The following IL10RB variants were observed in gnomAD, a reference collection of about 807,000 sequenced individuals.
The protein encoded by IL10RB is interleukin 10 receptor subunit beta.
In IL10RB, 30 loss-of-function variants were observed where a neutral mutation model predicts 38.7. The ratio of observed to expected loss-of-function variants is 0.78; its 90% CI spans 0.58 to 1.05. The LOEUF (loss-of-function observed/expected upper bound fraction) is 1.05, where lower values mean the gene tolerates loss of function less well. IL10RB is among the 50% of genes least tolerant of loss of function. IL10RB has a pLI of 0.00. For synonymous variants in IL10RB, 142 were observed against 145.9 expected (o/e 0.97, Z 0.19); for missense variants, 328 against 397.1 (o/e 0.83, Z 1.48).
At chr21:33,302,659 G>T (rs942627493) in intron 1 of IL10RB, among the ~76,000 whole-genome samples, 11 of 152,212 alleles carry the variant, frequency 7.2e-5, no homozygotes, top group African/African-American at 2.7e-4. Flanking sequence ...GTGTGGAGAA[G>T]CTGGGACAGC....
At chr21:33,305,928 T>G (rs1198289634) in intron 1 of IL10RB, among the ~76,000 whole-genome samples, 2 of 152,054 alleles carry the variant, frequency 1.3e-5, no homozygotes, top group Admixed American at 6.6e-5. Flanking sequence ...ACCTCCCAGG[T>G]TCAACTGATT....
At chr21:33,302,027 T>A (rs1034522982), downstream of IL10RB, among the ~76,000 whole-genome samples, 3 of 152,236 alleles carry the variant, frequency 2.0e-5, no homozygotes, top group African/African-American at 7.2e-5. Context: ...TTAGATTCCA[T>A]AGGATTGTAA....
chr21:33,305,146 T>C (rs2123615285), intron 1 of IL10RB, among the ~76,000 whole-genome samples: 1 of 152,294 alleles, frequency 6.6e-6, no homozygotes, highest in East Asian at 1.9e-4. Context: ...AGAGTCTTCC[T>C]CTGTTACCCA....
At chr21:33,291,457 G>T (rs1167407749) in intron 6 of IL10RB, among the ~76,000 whole-genome samples, 3 of 152,060 alleles carry the variant, frequency 2.0e-5, no homozygotes, top group African/African-American at 7.2e-5. Flanking sequence ...GTAGAGACAG[G>T]GTTTCCCCAT....
chr21:33,284,653 C>T (rs1232532764), intron 5 of IL10RB, among the ~76,000 whole-genome samples: 3 of 152,166 alleles, frequency 2.0e-5, no homozygotes, highest in Non-Finnish European at 4.4e-5. Context: ...GGGCCCATTT[C>T]TCATGAATGG....
chr21:33,284,570 C>T (rs910626320), intron 5 of IL10RB, among the ~76,000 whole-genome samples: 3 of 152,184 alleles, frequency 2.0e-5, no homozygotes, highest in Admixed American at 2.0e-4. Flanking sequence ...ATGTTGCCCT[C>T]ATCCAGATCT....
chr21:33,303,357 T>C (rs1460087260), intron 1 of IL10RB, among the ~76,000 whole-genome samples: 22 of 147,474 alleles, frequency 1.5e-4, no homozygotes, highest in East Asian at 1.2e-3. Flanking sequence ...TTTCTTTTTT[T>C]TTTTTTTTTT....
chr21:33,304,174 G>C (rs553651209), intron 1 of IL10RB, among the ~76,000 whole-genome samples: 2 of 152,344 alleles, frequency 1.3e-5, no homozygotes, highest in East Asian at 3.9e-4. Context: ...CCACGGCGGG[G>C]ACAGCACAGC....
intron 5 of IL10RB, among the ~76,000 whole-genome samples, chr21:33,286,084 G>A (rs977317107): frequency 2.0e-5 from 3 of 152,078 alleles, no homozygotes; most frequent in East Asian, 3.9e-4. Flanking sequence ...ACAAGAGAAC[G>A]AGGGCCATGG....
At chr21:33,287,512 T>C (rs2123591217) in intron 5 of IL10RB, among the ~76,000 whole-genome samples, 1 of 152,160 alleles carries the variant, frequency 6.6e-6, no homozygotes, top group African/African-American at 2.4e-5. Flanking sequence ...GTGTCTGCCA[T>C]CATACCCAGC....
chr21:33,301,667 C>T (rs918916820), downstream of IL10RB, among the ~76,000 whole-genome samples: 2 of 152,238 alleles, frequency 1.3e-5, no homozygotes, highest in African/African-American at 4.8e-5. Flanking sequence ...ATAGCCAACC[C>T]TTACTTACTG....
At chr21:33,275,942 T>C (rs1445398494) in intron 2 of IL10RB, among the ~76,000 whole-genome samples, 1 of 152,206 alleles carries the variant, frequency 6.6e-6, no homozygotes, top group Non-Finnish European at 1.5e-5. Flanking sequence ...TGATCACAGA[T>C]CACCATAACA....
chr21:33,277,159 G>A (rs573198474), intron 3 of IL10RB, among the ~76,000 whole-genome samples: 9 of 152,138 alleles, frequency 5.9e-5, no homozygotes, highest in South Asian at 4.2e-4. Context: ...AATATGATGC[G>A]GACAGCCGGC....
intron 2 of IL10RB, among the ~76,000 whole-genome samples, chr21:33,274,449 C>T (rs905747961): frequency 2.0e-5 from 3 of 152,182 alleles, no homozygotes; most frequent in Admixed American, 6.5e-5. Flanking sequence ...GCTCAGATTA[C>T]AGGCATGAGC....
At chr21:33,305,045 T>C (rs555511161) in intron 1 of IL10RB, among the ~76,000 whole-genome samples, 3 of 152,330 alleles carry the variant, frequency 2.0e-5, no homozygotes, top group South Asian at 4.1e-4. Context: ...TATTCTACTA[T>C]TCTATGTAGA....
chr21:33,294,381 G>A (rs1989549756), intron 6 of IL10RB, among the ~76,000 whole-genome samples: 1 of 111,146 alleles, frequency 9.0e-6, no homozygotes, highest in South Asian at 2.7e-4. Flanking sequence ...GTGTGTGTGT[G>A]TGTGTGTGCG....
At chr21:33,292,012 A>T (rs544206641) in intron 6 of IL10RB, among the ~76,000 whole-genome samples, 1 of 152,202 alleles carries the variant, frequency 6.6e-6, no homozygotes, top group Admixed American at 6.5e-5. Flanking sequence ...TGGCTGTGTC[A>T]TCATGTCTCC....
At chr21:33,293,380 A>G (rs1989526669) in intron 6 of IL10RB, among the ~76,000 whole-genome samples, 1 of 152,210 alleles carries the variant, frequency 6.6e-6, no homozygotes, top group South Asian at 2.1e-4. Context: ...GCTGTGAGCC[A>G]TTTCAGCCTC....
chr21:33,288,381 G>GCA (rs59480844), intron 6 of IL10RB, 120 bp downstream of exon 6: 7,777 of 547,864 alleles, frequency 0.014, 13 homozygotes, highest in South Asian at 0.033. Flanking sequence ...ACGCGCGCGC[G>GCA]CACACACACA....
Sources: allele counts gnomAD v4.1 joint callset (sites outside exome capture counted in the v4.1 genomes callset), GRCh38; gene constraint gnomAD v4.1.1; transcripts MANE v1.5; gene names NCBI Gene and HGNC (gene_info 2026-07-23, HGNC 2026-07-21).